The following CCBE1 variants were observed in gnomAD, a reference collection of about 807,000 sequenced individuals.
CCBE1 encodes collagen and calcium binding EGF domains 1, also known as collagen and calcium-binding EGF domain-containing protein 1.
CCBE1 carries 37 observed loss-of-function variants against 50.0 expected under a neutral mutation model. The observed-to-expected ratio is 0.74, with a 90% CI of 0.57 to 0.97. The LOEUF (loss-of-function observed/expected upper bound fraction) is 0.97. CCBE1 is among the 50% of genes least tolerant of loss of function. The probability of loss-of-function intolerance (pLI) is 0.00; values close to 1 mark genes in which losing one functional copy is unlikely to be tolerated. For synonymous variants in CCBE1, 234 were observed against 203.7 expected, an observed-to-expected ratio of 1.15 and a Z score of -1.27; for missense variants, 538 against 523.8, an observed-to-expected ratio of 1.03 and a Z score of -0.26.
Position 59,587,099 on chromosome 18 carries a change from G to A in CCBE1, c.213-106861C>T, listed in dbSNP as rs533592816. On this transcript the variant is annotated intron_variant, in intron 2 of 10. Transcript: ENST00000439986. ...GGAAGAATTGAAGATGACTTCACTG[G>A]TAAGTTCTACCAATGTGCACAGAAT... is the stretch of plus-strand genomic sequence containing the variant. Among the ~76,000 whole-genome samples, 5 of 152,300 alleles carry A rather than the reference G, an allele frequency of 3.3e-5. No homozygotes were observed. The East Asian group carries it at 9.6e-4, about 29-fold the overall frequency.
At chr18:59,641,634 A>C (rs2053992331) in intron 2 of CCBE1, among the ~76,000 whole-genome samples, 2 of 152,230 alleles carry the variant, frequency 1.3e-5, no homozygotes, top group Admixed American at 1.3e-4. Flanking sequence ...AAGAACCACC[A>C]AAATATTCCT....
At chr18:59,528,066 G>A (rs1172064385) in intron 2 of CCBE1, among the ~76,000 whole-genome samples, 1 of 152,168 alleles carries the variant, frequency 6.6e-6, no homozygotes, top group Non-Finnish European at 1.5e-5. Context: ...ATATCCTGGA[G>A]TATGTTTTCC....
chr18:59,570,741 C>G (rs929967192), intron 2 of CCBE1, among the ~76,000 whole-genome samples: 9 of 152,210 alleles, frequency 5.9e-5, no homozygotes, highest in African/African-American at 9.7e-5. Flanking sequence ...TTAAATTGCT[C>G]TGTGTGTGAG....
chr18:59,666,622 G>A (rs905153179), intron 2 of CCBE1, among the ~76,000 whole-genome samples: 1 of 151,962 alleles, frequency 6.6e-6, no homozygotes. Context: ...TTTGAGGTGG[G>A]GGGGTGGGGG....
At chr18:59,452,447 A>T (rs56211943) in intron 6 of CCBE1, among the ~76,000 whole-genome samples, 2 of 152,122 alleles carry the variant, frequency 1.3e-5, no homozygotes, top group Non-Finnish European at 2.9e-5. Context: ...AAAAAAAATT[A>T]GCGTGGCATG....
chr18:59,514,510 G>A lies in CCBE1; in HGVS notation c.213-34272C>T, dbSNP rs554155836. ...AAAGCCACCCTGACATTTTCGGCTG[G>A]CCCAGACTCCGAGGTTGGAGCCCTG... On this transcript the variant is annotated intron_variant, in intron 2 of 10. Transcript: ENST00000439986. 3.9e-5 allele frequency among the ~76,000 whole-genome samples: 6 copies of A among 152,164 alleles called. No homozygotes were observed. The South Asian group carries it at 1.2e-3, about 32-fold the overall frequency.
chr18:59,591,202 C>T (rs1370971453), intron 2 of CCBE1, among the ~76,000 whole-genome samples: 3 of 28,376 alleles, frequency 1.1e-4, no homozygotes, highest in South Asian at 2.4e-3. Context: ...GCCGAGATTG[C>T]GCCACTGCAC....
At chr18:59,501,009 G>A (rs1913593882) in intron 2 of CCBE1, among the ~76,000 whole-genome samples, 1 of 152,214 alleles carries the variant, frequency 6.6e-6, no homozygotes, top group African/African-American at 2.4e-5. Flanking sequence ...TGGACAAAGG[G>A]AGTGTCAGAC....
At chr18:59,508,526 G>A (rs190183985) in intron 2 of CCBE1, among the ~76,000 whole-genome samples, 2 of 152,020 alleles carry the variant, frequency 1.3e-5, no homozygotes, top group Admixed American at 1.3e-4. Flanking sequence ...GAGTCCGGGA[G>A]GCAGAGGTTG....
chr18:59,616,311 G>A (rs538536368), intron 2 of CCBE1, among the ~76,000 whole-genome samples: 1 of 152,148 alleles, frequency 6.6e-6, no homozygotes. Context: ...AGCCAGAGGC[G>A]GCCCTGAAAA....
intron 2 of CCBE1, among the ~76,000 whole-genome samples, chr18:59,519,549 A>G (rs1489872857): frequency 6.6e-6 from 1 of 152,192 alleles, no homozygotes; most frequent in Non-Finnish European, 1.5e-5. Flanking sequence ...TCAAATTGTT[A>G]GAATGGTGTG....
chr18:59,509,587 G>T (rs1354102732), intron 2 of CCBE1, among the ~76,000 whole-genome samples: 1 of 152,032 alleles, frequency 6.6e-6, no homozygotes, highest in Non-Finnish European at 1.5e-5. Flanking sequence ...AACCCTCAGG[G>T]GCACACACTG....
chr18:59,598,391 A>C (rs1463247697), intron 2 of CCBE1, among the ~76,000 whole-genome samples: 1 of 152,196 alleles, frequency 6.6e-6, no homozygotes, highest in African/African-American at 2.4e-5. Context: ...TGCACCAGCC[A>C]CATGTGCTGC....
intron 2 of CCBE1, among the ~76,000 whole-genome samples, chr18:59,652,185 T>C (rs2054135596): frequency 6.6e-6 from 1 of 152,216 alleles, no homozygotes; most frequent in Non-Finnish European, 1.5e-5. Flanking sequence ...TTACTGCAAA[T>C]GGCAGGATTT....
At chr18:59,615,564 C>T (rs1205261411) in intron 2 of CCBE1, among the ~76,000 whole-genome samples, 2 of 151,314 alleles carry the variant, frequency 1.3e-5, no homozygotes, top group Admixed American at 1.3e-4. Context: ...ATATTTTGAT[C>T]ACACTATACT....
At position 59,696,676 on chromosome 18, in the gene CCBE1, A is replaced by G. The variant is rs1275673875; in HGVS notation, c.165T>C (p.Thr55=). The G allele has an allele frequency of 6.2e-7, 1 of 1,614,070 alleles. No homozygotes were observed. Among genetic ancestry groups the G allele is most frequent in the East Asian group, 2.2e-5 (1 of 44,876 alleles). The stretch of plus-strand genomic sequence containing the variant: ...CTGAAGACTTCAGACACGGGTATTT[A>G]GTCGTCGCGATTTTGCTCTCTGAGC... The part of the protein sequence containing the change: ...EICSESKIAT[T]KYPCLKSSGE... The change falls in exon 2 of 11, where the codon ACT becomes ACC. Residue 55 remains threonine (T), a synonymous_variant. Coordinates refer to ENST00000439986, the MANE Select transcript of CCBE1 (RefSeq NM_133459.4).
chr18:59,431,784 T>G lies in CCBE1; in HGVS notation c.*4124A>C, dbSNP rs960513439. The G allele has an allele frequency of 1.3e-5, 2 of 152,216 alleles. No individual in the cohort carries two copies. The highest frequency in any genetic ancestry group is 4.8e-5 in the African/African-American group (2 of 41,434). 9.4% of individuals were successfully genotyped at this position (152,216 alleles called of 1,614,324 possible). On this transcript the variant is annotated 3_prime_UTR_variant, in exon 11 of 11. Coordinates refer to ENST00000439986, the MANE Select transcript of CCBE1 (RefSeq NM_133459.4). The stretch of plus-strand genomic sequence containing the variant: ...CTGAGTTTATACAGTAGAAATGACT[T>G]CCTTTGGTCAATGAATCCAATGGCA...
intron 5 of CCBE1, among the ~76,000 whole-genome samples, chr18:59,458,172 C>G (rs952803266): frequency 1.1e-4 from 16 of 151,666 alleles, no homozygotes; most frequent in Non-Finnish European, 1.9e-4. Flanking sequence ...AACCATCCAT[C>G]CATCCTTCCA....
chr18:59,502,174 C>T (rs2143839841), intron 2 of CCBE1, among the ~76,000 whole-genome samples: 1 of 152,054 alleles, frequency 6.6e-6, no homozygotes, highest in Non-Finnish European at 1.5e-5. Flanking sequence ...TGAGCATGTC[C>T]TTTTCTCCCA....
Sources: allele counts gnomAD v4.1 joint callset (sites outside exome capture counted in the v4.1 genomes callset), GRCh38; gene constraint gnomAD v4.1.1; transcripts MANE v1.5; gene names NCBI Gene and HGNC (gene_info 2026-07-23, HGNC 2026-07-21).